The following TMEM132B variants were observed in gnomAD, a reference collection of about 807,000 sequenced individuals.
The protein encoded by TMEM132B is transmembrane protein 132B.
A neutral mutation model predicts 90.8 loss-of-function variants in TMEM132B; 18 were observed. The ratio of observed to expected loss-of-function variants is 0.20; its 90% CI spans 0.14 to 0.29. TMEM132B has a LOEUF of 0.29. Among genes scored for constraint, TMEM132B ranks in the 10% least tolerant of loss-of-function variants. The pLI is 1.00. For missense variants in TMEM132B, 1,096 were observed against 1,326.8 expected, an observed-to-expected ratio of 0.83 and a Z score of 2.70; for synonymous variants, 504 against 523.3, an observed-to-expected ratio of 0.96 and a Z score of 0.50.
intron 3 of TMEM132B, among the ~76,000 whole-genome samples, chr12:125,484,834 T>C (rs1363562266): frequency 6.6e-6 from 1 of 152,088 alleles, no homozygotes; most frequent in Non-Finnish European, 1.5e-5. Context: ...CAAACTCTTT[T>C]GCTCAGGCAA....
At chr12:125,449,518 C>G in intron 3 of TMEM132B, among the ~76,000 whole-genome samples, 1 of 151,650 alleles carries the variant, frequency 6.6e-6, no homozygotes, top group East Asian at 1.9e-4. Flanking sequence ...TTAATGTTTC[C>G]CAAGAATTAG....
In TMEM132B at chr12:125,662,075, T is replaced by A. The variant is rs1428476533; in HGVS notation, c.*7365T>A. The stretch of plus-strand genomic sequence containing the variant: ...CAGCCAGTAGTGTGCTTTGGGGTGA[T>A]TGCAAGGCAGCAAACAGTGGGGACA... On this transcript the variant is annotated 3_prime_UTR_variant, in exon 9 of 9. Transcript: ENST00000682704. 6.6e-6 allele frequency: 1 copy of A among 152,226 alleles called. No individual in the cohort carries two copies. The highest frequency in any genetic ancestry group is 6.5e-5 in the Admixed American group (1 of 15,282). 9.4% of individuals were successfully genotyped at this position (152,226 alleles called of 1,614,324 possible).
rs1288214146 is a variant in TMEM132B, at chr12:125,246,382, C to T, written c.67+59516C>T. 6.6e-6 allele frequency among the ~76,000 whole-genome samples: 1 copy of T among 152,192 alleles called. No homozygotes were observed. The highest frequency in any genetic ancestry group is 1.9e-4 in the East Asian group (1 of 5,200). On this transcript the variant is annotated intron_variant, in intron 1 of 8. Coordinates refer to ENST00000682704, the MANE Select transcript of TMEM132B (RefSeq NM_001366854.1). The surrounding 1 kb of genome is among the most constrained non-coding windows in gnomAD (Gnocchi z 4.2). Reference sequence around the variant, plus strand: ...GGATTATGAATATGAATAGGGGACTCGTTCTGTTCTGAGGAAGTCAGCTTC... The same window carrying T: ...GGATTATGAATATGAATAGGGGACTTGTTCTGTTCTGAGGAAGTCAGCTTC...
chr12:125,206,296 T>A (rs901950892), intron 1 of TMEM132B, among the ~76,000 whole-genome samples: 2 of 152,062 alleles, frequency 1.3e-5, no homozygotes, highest in African/African-American at 4.8e-5. Context: ...TGGAGTGCAG[T>A]GGTGCAATCT....
Position 125,246,986 on chromosome 12 carries a change from G to C in TMEM132B, c.67+60120G>C, listed in dbSNP as rs1286835450. Among the ~76,000 whole-genome samples, 1 of 152,148 alleles carries C rather than the reference G, an allele frequency of 6.6e-6. No homozygotes were observed. Among genetic ancestry groups the C allele is most frequent in the Non-Finnish European group, 1.5e-5 (1 of 68,024 alleles). ...TTATTACTATTTAAGGCTTGGGATA[G>C]TATTTTTAGAAGACATTAAATCAAA... is the stretch of plus-strand genomic sequence containing the variant. On this transcript the variant is annotated intron_variant, in intron 1 of 8. Coordinates refer to ENST00000682704, the MANE Select transcript of TMEM132B (RefSeq NM_001366854.1). The surrounding 1 kb of genome is among the most constrained non-coding windows in gnomAD (Gnocchi z 4.2).
At chr12:125,279,319 G>A (rs947455199) in intron 1 of TMEM132B, among the ~76,000 whole-genome samples, 6 of 152,214 alleles carry the variant, frequency 3.9e-5, no homozygotes, top group Non-Finnish European at 8.8e-5. Context: ...TGCTTACAGG[G>A]TTGACCTTTG....
intron 4 of TMEM132B, among the ~76,000 whole-genome samples, chr12:125,566,546 C>T (rs946353911): frequency 2.0e-5 from 3 of 152,112 alleles, no homozygotes; most frequent in Non-Finnish European, 4.4e-5. Flanking sequence ...GTGGACGTGG[C>T]GGGGTTGAGA....
intron 2 of TMEM132B, among the ~76,000 whole-genome samples, chr12:125,380,730 T>C (rs1480549199): frequency 1.3e-5 from 2 of 152,170 alleles, no homozygotes; most frequent in Admixed American, 6.5e-5. Flanking sequence ...TGGTAGAAGA[T>C]TGGAAGCAAG....
intron 1 of TMEM132B, among the ~76,000 whole-genome samples, chr12:125,297,903 C>T (rs984003709): frequency 6.6e-6 from 1 of 152,188 alleles, no homozygotes; most frequent in Non-Finnish European, 1.5e-5. Context: ...ACATTATCCA[C>T]GCTCCTTTCT....
chr12:125,334,045 C>T (rs1354363147), intron 1 of TMEM132B, among the ~76,000 whole-genome samples: 1 of 152,034 alleles, frequency 6.6e-6, no homozygotes, highest in Non-Finnish European at 1.5e-5. Context: ...AAATATAAAG[C>T]CCTTTTCCTT....
chr12:125,495,169 G>A (rs1207334867), intron 3 of TMEM132B, among the ~76,000 whole-genome samples: 13 of 93,188 alleles, frequency 1.4e-4, no homozygotes, highest in African/African-American at 5.8e-4. Flanking sequence ...AAATGGCCGC[G>A]TCCCTCTTCC....
At chr12:125,602,842 T>C (rs1207306360) in intron 5 of TMEM132B, among the ~76,000 whole-genome samples, 1 of 152,090 alleles carries the variant, frequency 6.6e-6, no homozygotes, top group Non-Finnish European at 1.5e-5. Flanking sequence ...AGCCAAATCA[T>C]GAATGAACTC....
intron 3 of TMEM132B, among the ~76,000 whole-genome samples, chr12:125,449,757 T>C (rs1026542235): frequency 2.6e-5 from 4 of 152,084 alleles, no homozygotes; most frequent in Admixed American, 1.3e-4. Flanking sequence ...AAAGTATCAG[T>C]AGGTTAGAGT....
intron 1 of TMEM132B, among the ~76,000 whole-genome samples, chr12:125,273,135 A>G (rs1874886387): frequency 6.6e-6 from 1 of 152,246 alleles, no homozygotes; most frequent in Admixed American, 6.5e-5. Flanking sequence ...GTTAAGAAAA[A>G]TAGTGCCCTT....
At chr12:125,275,757 A>G (rs527640210) in intron 1 of TMEM132B, among the ~76,000 whole-genome samples, 3 of 152,294 alleles carry the variant, frequency 2.0e-5, no homozygotes, top group Non-Finnish European at 2.9e-5. Flanking sequence ...TCTGTTGCCC[A>G]GGCTGGAGTG....
chr12:125,549,875 A>T (rs1884177330), intron 4 of TMEM132B, among the ~76,000 whole-genome samples: 1 of 152,156 alleles, frequency 6.6e-6, no homozygotes, highest in Admixed American at 6.5e-5. Context: ...CTGCACACAG[A>T]TGCCCTTGAA....
In TMEM132B at chr12:125,350,100, A is replaced by G. The variant is rs1265345181; in HGVS notation, c.716A>G (p.Glu239Gly). The G allele has an allele frequency of 6.2e-7, 1 of 1,614,192 alleles. No individual in the cohort carries two copies. Among genetic ancestry groups the G allele is most frequent in the Admixed American group, 1.7e-5 (1 of 60,028 alleles). Residue 239 changes from glutamate to glycine, a missense_variant, in exon 2 of 9, where the codon GAG (glutamate) becomes GGG (glycine). By Grantham distance (98) the Glu-to-Gly change is moderately conservative. Coordinates refer to ENST00000682704, the MANE Select transcript of TMEM132B (RefSeq NM_001366854.1). ...ADKAGQCPLEEEGKWENNIHS... is the reference protein window; with the variant it reads ...ADKAGQCPLEGEGKWENNIHS... Reference sequence around the variant, plus strand: ...AAGGCTGGCCAGTGTCCTCTGGAGGAGGAAGGCAAGTGGGAGAACAATATC... The same window carrying G: ...AAGGCTGGCCAGTGTCCTCTGGAGGGGGAAGGCAAGTGGGAGAACAATATC...
At chr12:125,527,250 C>A (rs566917140) in intron 4 of TMEM132B, among the ~76,000 whole-genome samples, 2 of 138,988 alleles carry the variant, frequency 1.4e-5, no homozygotes, top group South Asian at 2.3e-4. Flanking sequence ...ACCCATCCAC[C>A]CTTCCATCCA....
intron 2 of TMEM132B, among the ~76,000 whole-genome samples, chr12:125,372,285 A>C (rs1878316472): frequency 9.9e-5 from 15 of 152,262 alleles, no homozygotes; most frequent in Admixed American, 9.2e-4. Flanking sequence ...TAGAACTGGC[A>C]GTTTGCTAGA....
Sources: gnomAD v4.1 joint callset for allele counts (sites outside exome capture counted in the v4.1 genomes callset) on GRCh38, gnomAD v4.1.1 for gene constraint, Gnocchi (gnomAD v3.1) non-coding constraint, MANE v1.5 for transcripts, NCBI Gene and HGNC (gene_info 2026-07-23, HGNC 2026-07-21) for gene names.